Variants in SNTB1 observed in about 807,000 individuals in gnomAD.
SNTB1 encodes the protein beta-1-syntrophin.
Under a neutral mutation model 48.9 loss-of-function variants are expected in SNTB1, and 36 were observed. The observed-to-expected ratio is 0.74, with a 90% CI of 0.56 to 0.97. SNTB1 has a LOEUF of 0.97. Ranked by LOEUF, SNTB1 falls within the 50% of genes least tolerant of loss-of-function variation. The pLI is 0.00. For missense variants in SNTB1, 786 were observed against 703.4 expected, an observed-to-expected ratio of 1.12 and a Z score of -1.33; for synonymous variants, 299 against 294.6, an observed-to-expected ratio of 1.01 and a Z score of -0.15.
intron 5 of SNTB1, among the ~76,000 whole-genome samples, chr8:120,546,828 C>T (rs1815389158): frequency 1.3e-5 from 2 of 152,080 alleles, no homozygotes; most frequent in African/African-American, 2.4e-5. Flanking sequence ...ATCTATATAC[C>T]TATATATGTA....
rs1307897717 is a variant in SNTB1 at position 120,811,812 on chromosome 8, C to G, written c.32G>C (p.Gly11Ala). Residue 11 changes from glycine (G) to alanine (A), a missense_variant, in exon 1 of 7, where the codon GGG becomes GCG. By Grantham distance (60) the Gly-to-Ala change is moderately conservative (BLOSUM62 0). Transcript: ENST00000517992. Reference protein sequence around the residue: MAVAAAAAAAGPAGAGGGRAQ... With the variant: MAVAAAAAAAAPAGAGGGRAQ... The stretch of plus-strand genomic sequence containing the variant: ...CCGGCCGCCTCCCGCGCCAGCCGGC[C>G]CAGCCGCCGCCGCCGCCGCCGCTAC... 7.3e-7 allele frequency: 1 copy of G among 1,362,476 alleles called. No homozygotes were observed. The highest frequency in any genetic ancestry group is 1.5e-5 in the African/African-American group (1 of 64,760). The allele number at this position is 1,362,476 out of a possible 1,614,324, so 84.4% of individuals were successfully genotyped here.
chr8:120,624,303 ATGAGGGGCCTGCACCTGG>A (rs948257433), intron 3 of SNTB1, among the ~76,000 whole-genome samples: 1 of 152,142 alleles, frequency 6.6e-6, no homozygotes, highest in African/African-American at 2.4e-5. Flanking sequence ...AAGTCCAAGG[ATGAGGGGCCTGCACCTGG>A]TGAGGACCTT....
intron 1 of SNTB1, among the ~76,000 whole-genome samples, chr8:120,726,621 T>C (rs949408813): frequency 6.6e-6 from 1 of 152,224 alleles, no homozygotes; most frequent in African/African-American, 2.4e-5. Context: ...TCTGTTTTCA[T>C]GGTACATGGG....
At chr8:120,550,627 A>G (rs1043807905) in intron 4 of SNTB1, among the ~76,000 whole-genome samples, 7 of 151,904 alleles carry the variant, frequency 4.6e-5, no homozygotes, top group Middle Eastern at 3.2e-3. Context: ...AAGGGAAATG[A>G]CTGCTGGCAT....
At chr8:120,802,246 CT>C (rs1820241587) in intron 1 of SNTB1, among the ~76,000 whole-genome samples, 1 of 152,036 alleles carries the variant, frequency 6.6e-6, no homozygotes, top group African/African-American at 2.4e-5. Flanking sequence ...AACATTTTGA[CT>C]TTTTTCGGTT....
At chr8:120,803,201 T>C (rs1018458111) in intron 1 of SNTB1, among the ~76,000 whole-genome samples, 3 of 152,158 alleles carry the variant, frequency 2.0e-5, no homozygotes, top group African/African-American at 7.2e-5. Flanking sequence ...TATAAAAAAG[T>C]ACTGAGCTAA....
chr8:120,726,324 G>C (rs1436594172), intron 1 of SNTB1, among the ~76,000 whole-genome samples: 1 of 152,106 alleles, frequency 6.6e-6, no homozygotes, highest in Admixed American at 6.5e-5. Context: ...TTGCTGACTG[G>C]AGAGGATACA....
chr8:120,777,078 A>G (rs1819747358), intron 1 of SNTB1, among the ~76,000 whole-genome samples: 1 of 152,230 alleles, frequency 6.6e-6, no homozygotes, highest in Non-Finnish European at 1.5e-5. Context: ...AGAACGGGGA[A>G]GGACAGAACT....
chr8:120,726,893 T>A (rs914887012), intron 1 of SNTB1, among the ~76,000 whole-genome samples: 5 of 152,214 alleles, frequency 3.3e-5, no homozygotes, highest in Non-Finnish European at 7.3e-5. Context: ...ACTAATAGTC[T>A]AGTAGTGTCT....
intron 3 of SNTB1, among the ~76,000 whole-genome samples, chr8:120,580,144 CTT>C (rs1816020856): frequency 6.6e-6 from 1 of 152,214 alleles, no homozygotes; most frequent in South Asian, 2.1e-4. Context: ...CTTTACAGCT[CTT>C]TGTTCAGTGC....
chr8:120,756,563 T>C lies in SNTB1; in HGVS notation c.571+54710A>G, dbSNP rs138997943. ...GACTACAGCCAAAATTTGGGGAACC[T>C]CAAATGCCAAGACATTTAGCCAGAG... On this transcript the variant is annotated intron_variant, in intron 1 of 6. Coordinates refer to ENST00000517992, the MANE Select transcript of SNTB1 (RefSeq NM_021021.4). Among the ~76,000 whole-genome samples, 29 of 152,236 alleles carry C rather than the reference T, an allele frequency of 1.9e-4. No individual in the cohort carries two copies. The East Asian group carries it at 5.4e-3, about 28-fold the overall frequency.
At chr8:120,766,713 T>C (rs73323195) in intron 1 of SNTB1, among the ~76,000 whole-genome samples, 7,208 of 152,220 alleles carry the variant, frequency 0.047, 232 homozygotes, top group African/African-American at 0.087. Context: ...GGCTAGAATA[T>C]TTTTAGTCAT....
chr8:120,727,376 G>T (rs890640364), intron 1 of SNTB1, among the ~76,000 whole-genome samples: 1 of 152,158 alleles, frequency 6.6e-6, no homozygotes, highest in Non-Finnish European at 1.5e-5. Flanking sequence ...ACACGTTGGG[G>T]TCAGCCAGAT....
At chr8:120,539,805 G>A (rs1426716438) in intron 6 of SNTB1, among the ~76,000 whole-genome samples, 3 of 152,176 alleles carry the variant, frequency 2.0e-5, no homozygotes, top group Non-Finnish European at 2.9e-5. Flanking sequence ...TACTCATTAT[G>A]AGCCAGGTAC....
chr8:120,742,252 G>T lies in SNTB1; in HGVS notation c.572-48344C>A, dbSNP rs1819053461. Among the ~76,000 whole-genome samples, 3 of 152,190 alleles carry T rather than the reference G, an allele frequency of 2.0e-5. No individual in the cohort carries two copies. The South Asian group carries it at 6.2e-4, about 31-fold the overall frequency. On this transcript the variant is annotated intron_variant, in intron 1 of 6. Transcript: ENST00000517992. The stretch of plus-strand genomic sequence containing the variant: ...AAGTAAAACCATTTTGAGTTAGAAA[G>T]CTGTGCCTTTAAAAAAGATTTTCTT...
intron 1 of SNTB1, among the ~76,000 whole-genome samples, chr8:120,723,810 C>T (rs1306148746): frequency 6.6e-6 from 1 of 152,220 alleles, no homozygotes; most frequent in Non-Finnish European, 1.5e-5. Flanking sequence ...AACCCCAGGA[C>T]AATACCTAGC....
chr8:120,676,711 A>G (rs1386306134), intron 2 of SNTB1, among the ~76,000 whole-genome samples: 1 of 152,220 alleles, frequency 6.6e-6, no homozygotes, highest in Non-Finnish European at 1.5e-5. Flanking sequence ...ATAGCTGGAT[A>G]ACTAGGAAAA....
intron 2 of SNTB1, among the ~76,000 whole-genome samples, chr8:120,650,315 G>A (rs1005522756): frequency 3.3e-5 from 5 of 152,178 alleles, no homozygotes; most frequent in Non-Finnish European, 4.4e-5. Context: ...CTGACAACAC[G>A]TGAGAGCAGC....
At chr8:120,647,398 T>A (rs1587060597) in intron 2 of SNTB1, among the ~76,000 whole-genome samples, 1 of 150,118 alleles carries the variant, frequency 6.7e-6, no homozygotes, top group South Asian at 2.1e-4. Flanking sequence ...AGAACATCTT[T>A]ATTTCTGCCT....
Sources: gnomAD v4.1 joint callset for allele counts (sites outside exome capture counted in the v4.1 genomes callset) on GRCh38, gnomAD v4.1.1 for gene constraint, MANE v1.5 for transcripts, NCBI Gene and HGNC (gene_info 2026-07-23, HGNC 2026-07-21) for gene names.